The following PRKAR1A variants were observed in gnomAD, a reference collection of about 807,000 sequenced individuals.
The protein encoded by PRKAR1A is cAMP-dependent protein kinase type I-alpha regulatory subunit.
In PRKAR1A, 3 loss-of-function variants were observed where a neutral mutation model predicts 52.0. That is an observed-to-expected ratio of 0.06 (90% CI 0.03 to 0.15). The LOEUF (loss-of-function observed/expected upper bound fraction) is 0.15. Ranked by LOEUF, PRKAR1A falls within the 10% of genes least tolerant of loss-of-function variation. The probability of loss-of-function intolerance (pLI) is 1.00; values close to 1 mark genes in which losing one functional copy is unlikely to be tolerated. For synonymous variants in PRKAR1A, 188 were observed against 168.4 expected (o/e 1.12, Z -0.90); for missense variants, 240 against 477.4 (o/e 0.50, Z 4.63).
At chr17:68,495,707 T>C in the PRKAR1A span, among the ~76,000 whole-genome samples, 1 of 152,098 alleles carries the variant, frequency 6.6e-6, no homozygotes, top group South Asian at 2.1e-4. Flanking sequence ...TTAGTTTCTT[T>C]TGATGCTATA....
At chr17:68,513,765 TATC>T (rs1314504120) in intron 1 of PRKAR1A, among the ~76,000 whole-genome samples, 4 of 152,350 alleles carry the variant, frequency 2.6e-5, no homozygotes, top group African/African-American at 9.6e-5. Flanking sequence ...TACCGGTGGC[TATC>T]TTTTTGGTTT....
intron 3 of PRKAR1A, 91 bp downstream of exon 3, chr17:68,523,017 A>T: frequency 6.7e-7 from 1 of 1,496,662 alleles, no homozygotes; most frequent in Non-Finnish European, 9.1e-7. Context: ...ATAAAATACA[A>T]AACAGGGTGG....
chr17:68,524,594 C>G (rs1600483286), intron 5 of PRKAR1A, among the ~76,000 whole-genome samples: 1 of 152,044 alleles, frequency 6.6e-6, no homozygotes, highest in Non-Finnish European at 1.5e-5. Context: ...TTTGTGGCAG[C>G]CTGATAATTT....
At chr17:68,529,084 T>C in intron 9 of PRKAR1A, 93 bp downstream of exon 9, 2 of 1,477,058 alleles carry the variant, frequency 1.4e-6, no homozygotes, top group African/African-American at 2.8e-5. Context: ...AGGGAAAGAG[T>C]GGGCTAATTC....
the PRKAR1A span, among the ~76,000 whole-genome samples, chr17:68,491,282 G>A: frequency 3.3e-5 from 5 of 152,086 alleles, no homozygotes; most frequent in African/African-American, 1.2e-4. Context: ...ATTAGAGATG[G>A]GATTTCACCA....
At position 68,531,732 on chromosome 17, in the gene PRKAR1A, A is replaced by T; in HGVS notation, c.*1283A>T. ...TTCTTTCTTTTCTTTTTTAAAGTAA[A>T]CTTGTGTATTGAGTCTTAACTGTAT... On this transcript the variant is annotated 3_prime_UTR_variant, in exon 11 of 11. Coordinates refer to ENST00000589228, the MANE Select transcript of PRKAR1A (RefSeq NM_002734.5). 3 of 1,056,308 alleles carry T rather than the reference A, an allele frequency of 2.8e-6. No individual in the cohort carries two copies. The highest frequency in any genetic ancestry group is 3.4e-6 in the Non-Finnish European group (3 of 870,666). The allele number at this position is 1,056,308 out of a possible 1,614,324, so 65.4% of individuals were successfully genotyped here. A position where few individuals can be genotyped will look rare whatever the true frequency, so the allele number is the denominator to read the frequency against.
At chr17:68,435,788 T>TTTTCTCC in the PRKAR1A span, 2 of 1,346,742 alleles carry the variant, frequency 1.5e-6, no homozygotes, top group Non-Finnish European at 2.1e-6. Context: ...CCCCTTCCTC[T>TTTTCTCC]TTTCTCCTTT....
chr17:68,477,172 T>C, the PRKAR1A span, among the ~76,000 whole-genome samples: 2 of 152,234 alleles, frequency 1.3e-5, no homozygotes, highest in African/African-American at 4.8e-5. Flanking sequence ...ATGACAGTAA[T>C]GATCATAAAC....
At chr17:68,450,966 C>T in the PRKAR1A span, 2 of 1,544,464 alleles carry the variant, frequency 1.3e-6, no homozygotes, top group Non-Finnish European at 1.7e-6. Context: ...GCCTCCATGA[C>T]ACTGGGCCCG....
At chr17:68,535,631 A>C (rs1454468857), downstream of PRKAR1A, 1 of 453,810 alleles carries the variant, frequency 2.2e-6, no homozygotes. Context: ...AATCTTTGGG[A>C]TTAAGGTTTC....
chr17:68,465,516 G>A, the PRKAR1A span, among the ~76,000 whole-genome samples: 7 of 151,826 alleles, frequency 4.6e-5, no homozygotes, highest in African/African-American at 1.7e-4. Context: ...GAGCAGTGGT[G>A]TGACCTCAGC....
At chr17:68,457,724 GC>G in the PRKAR1A span, among the ~76,000 whole-genome samples, 2 of 152,070 alleles carry the variant, frequency 1.3e-5, no homozygotes, top group African/African-American at 4.8e-5. Flanking sequence ...CGGCTGGCGG[GC>G]ACCGCCCCCC....
chr17:68,450,733 G>A, the PRKAR1A span: 63 of 1,606,908 alleles, frequency 3.9e-5, no homozygotes, highest in Middle Eastern at 1.7e-4. Context: ...CTTACTTGCC[G>A]GTTCAGCCTT....
the PRKAR1A span, chr17:68,420,516 C>T: frequency 6.4e-7 from 1 of 1,573,024 alleles, no homozygotes; most frequent in Non-Finnish European, 8.7e-7. Context: ...GGCAAGTTTG[C>T]TTCCAAATTT....
chr17:68,474,097 A>G, the PRKAR1A span, among the ~76,000 whole-genome samples: 1 of 152,204 alleles, frequency 6.6e-6, no homozygotes. Flanking sequence ...TTGATCATTG[A>G]TACTGTTTTC....
the PRKAR1A span, among the ~76,000 whole-genome samples, chr17:68,473,428 C>T: frequency 1.3e-5 from 2 of 152,100 alleles, no homozygotes; most frequent in East Asian, 3.8e-4. Context: ...TCACATAGAA[C>T]TGATTAGTGT....
the PRKAR1A span, among the ~76,000 whole-genome samples, chr17:68,452,456 T>C: frequency 6.6e-6 from 1 of 152,094 alleles, no homozygotes; most frequent in South Asian, 2.1e-4. Flanking sequence ...TCTCATCTAC[T>C]TGGGAGGCTG....
At chr17:68,525,952 T>G in intron 7 of PRKAR1A, 40 bp downstream of exon 7, 1 of 1,603,654 alleles carries the variant, frequency 6.2e-7, no homozygotes, top group Non-Finnish European at 8.5e-7. Context: ...TTTAGAATTC[T>G]CATCTACGTA....
the PRKAR1A span, among the ~76,000 whole-genome samples, chr17:68,427,731 G>A: frequency 5.3e-5 from 8 of 152,330 alleles, no homozygotes; most frequent in South Asian, 1.7e-3. Flanking sequence ...ACATTGGCTA[G>A]ACAAAGATTA....
Sources: gnomAD v4.1 joint callset for allele counts (sites outside exome capture counted in the v4.1 genomes callset) on GRCh38, gnomAD v4.1.1 for gene constraint, MANE v1.5 for transcripts, NCBI Gene and HGNC (gene_info 2026-07-23, HGNC 2026-07-21) for gene names.